NCAM2: variants seen among roughly 807,000 people sequenced by gnomAD.
NCAM2 encodes neural cell adhesion molecule 2, also known as N-CAM-2.
In NCAM2, 30 loss-of-function variants were observed where a neutral mutation model predicts 98.1. The observed-to-expected ratio is 0.31, with a 90% CI of 0.23 to 0.41. The LOEUF (loss-of-function observed/expected upper bound fraction) is 0.41. NCAM2 is among the 10% of genes least tolerant of loss of function. NCAM2 has a pLI of 1.00. For missense variants in NCAM2, 867 were observed against 1,005.8 expected (o/e 0.86, Z 1.87); for synonymous variants, 368 against 342.4 (o/e 1.07, Z -0.83).
intron 11 of NCAM2, among the ~76,000 whole-genome samples, chr21:21,426,056 G>T (rs1312458956): frequency 6.6e-6 from 1 of 151,866 alleles, no homozygotes; most frequent in Non-Finnish European, 1.5e-5. Flanking sequence ...ATGGTGAAAG[G>T]GGCAAACATA....
chr21:21,239,192 G>A (rs1281695213), intron 1 of NCAM2: 1 of 152,066 alleles, frequency 6.6e-6, no homozygotes. Flanking sequence ...ATGCTAAAAG[G>A]GTTGGCCAGA....
chr21:21,262,658 CAAAAAAAAA>C (rs33912324), intron 1 of NCAM2, among the ~76,000 whole-genome samples: 1 of 78,960 alleles, frequency 1.3e-5, no homozygotes. Context: ...AACAATCAGT[CAAAAAAAAA>C]AAAAAAAAAA....
intron 16 of NCAM2, among the ~76,000 whole-genome samples, chr21:21,524,652 A>T (rs1989224888): frequency 6.6e-6 from 1 of 152,130 alleles, no homozygotes; most frequent in African/African-American, 2.4e-5. Context: ...TTAACCAATC[A>T]AGTTCAATCA....
intron 15 of NCAM2, among the ~76,000 whole-genome samples, chr21:21,480,596 C>T (rs1985788719): frequency 6.6e-6 from 1 of 151,990 alleles, no homozygotes; most frequent in Non-Finnish European, 1.5e-5. Context: ...GAATGCAAAC[C>T]AGATAATTCA....
chr21:21,459,550 A>G (rs977535527), intron 12 of NCAM2, among the ~76,000 whole-genome samples: 1 of 148,432 alleles, frequency 6.7e-6, no homozygotes, highest in South Asian at 2.1e-4. Flanking sequence ...ATATATTAGA[A>G]TATAGGATAT....
At chr21:21,348,499 A>G (rs1055366935) in intron 8 of NCAM2, among the ~76,000 whole-genome samples, 1 of 152,148 alleles carries the variant, frequency 6.6e-6, no homozygotes, top group Non-Finnish European at 1.5e-5. Flanking sequence ...GGAAGAATCA[A>G]TATTTTTAAA....
Position 21,501,370 on chromosome 21 carries a change from C to A in NCAM2, c.2078-7481C>A, listed in dbSNP as rs549137059. Among the ~76,000 whole-genome samples the A allele has an allele frequency of 4.8e-4, 73 of 151,768 alleles. 1 individual carries two copies. The South Asian group carries it at 0.015, about 31-fold the overall frequency. On this transcript the variant is annotated intron_variant, in intron 15 of 17. Transcript: ENST00000400546. ...CATAATGTTAACTATTACCAGTATG[C>A]CCTTGTTAATGTAAATATCATATCC...
intron 10 of NCAM2, among the ~76,000 whole-genome samples, chr21:21,413,841 A>G (rs1439147860): frequency 6.6e-6 from 1 of 152,182 alleles, no homozygotes; most frequent in Non-Finnish European, 1.5e-5. Context: ...AAATAAGGCA[A>G]CAGTGAAGCA....
intron 12 of NCAM2, among the ~76,000 whole-genome samples, chr21:21,438,912 G>A (rs1247159856): frequency 1.3e-5 from 2 of 151,842 alleles, no homozygotes; most frequent in Non-Finnish European, 2.9e-5. Flanking sequence ...GCAAGACCCC[G>A]TCTCTCTAAA....
At chr21:21,100,248 A>G (rs1362616323) in intron 1 of NCAM2, among the ~76,000 whole-genome samples, 1 of 151,976 alleles carries the variant, frequency 6.6e-6, no homozygotes, top group Non-Finnish European at 1.5e-5. Context: ...AGCCCCAAAG[A>G]AATCTATGCA....
At chr21:21,511,280 C>G (rs895935716) in intron 16 of NCAM2, among the ~76,000 whole-genome samples, 2 of 152,024 alleles carry the variant, frequency 1.3e-5, no homozygotes, top group Non-Finnish European at 2.9e-5. Flanking sequence ...ATTCCCCCTT[C>G]CTTGTTACCT....
intron 9 of NCAM2, among the ~76,000 whole-genome samples, chr21:21,392,979 G>C (rs2076413539): frequency 6.6e-6 from 1 of 151,716 alleles, no homozygotes; most frequent in African/African-American, 2.4e-5. Context: ...TTTTCCTTTT[G>C]TTGCAATTGC....
intron 1 of NCAM2, among the ~76,000 whole-genome samples, chr21:21,149,422 A>T: frequency 6.6e-6 from 1 of 152,066 alleles, no homozygotes. Flanking sequence ...ATTTTACCTT[A>T]AGTTCTGGGA....
chr21:21,264,746 ATATATACATATATATATATTCCAC>A lies in NCAM2; in HGVS notation c.56-15825_56-15802del, dbSNP rs1481312004. On this transcript the variant is annotated intron_variant, in intron 1 of 17. Coordinates refer to ENST00000400546, the MANE Select transcript of NCAM2 (RefSeq NM_004540.5). ...TAAGATCTTTGGCATAAGTGTGTAT[ATATATACATATATATATATTCCAC>A]TATATATATACATATATATATATTC... Among the ~76,000 whole-genome samples, 4 of 8,510 alleles carry A rather than the reference ATATATACATATATATATATTCCAC, an allele frequency of 4.7e-4. No homozygotes were observed. The East Asian group carries it at 0.4, about 851-fold the overall frequency. The allele number at this position is 8,510 out of a possible 152,430, so 5.6% of individuals were successfully genotyped here. A position where few individuals can be genotyped will look rare whatever the true frequency, so the allele number is the denominator to read the frequency against.
intron 1 of NCAM2, among the ~76,000 whole-genome samples, chr21:21,144,099 C>T (rs1425011129): frequency 1.3e-5 from 2 of 152,030 alleles, no homozygotes; most frequent in Non-Finnish European, 2.9e-5. Context: ...CCTGTAATCC[C>T]AGCACTTTGG....
chr21:21,043,795 A>C (rs7279942), intron 1 of NCAM2, among the ~76,000 whole-genome samples: 3,270 of 147,222 alleles, frequency 0.022, 109 homozygotes, highest in African/African-American at 0.076. Context: ...CGGAGCTTAC[A>C]GTGAGCCGAG....
intron 1 of NCAM2, among the ~76,000 whole-genome samples, chr21:21,167,082 C>A (rs1225210772): frequency 3.3e-5 from 5 of 151,950 alleles, no homozygotes; most frequent in Admixed American, 2.6e-4. Context: ...ATGTGATTAA[C>A]CTTTATGTAA....
At chr21:21,245,288 T>A (rs1366783099) in intron 1 of NCAM2, among the ~76,000 whole-genome samples, 1 of 152,234 alleles carries the variant, frequency 6.6e-6, no homozygotes, top group Non-Finnish European at 1.5e-5. Context: ...AGATAATTAA[T>A]GGCTAACTCC....
intron 1 of NCAM2, among the ~76,000 whole-genome samples, chr21:21,167,848 A>G (rs1044314767): frequency 6.6e-5 from 10 of 152,154 alleles, no homozygotes; most frequent in African/African-American, 1.9e-4. Context: ...CCAATCCCAT[A>G]TAAGTTCATG....
Sources: gnomAD v4.1 joint callset for allele counts (sites outside exome capture counted in the v4.1 genomes callset) on GRCh38, gnomAD v4.1.1 for gene constraint, MANE v1.5 for transcripts, NCBI Gene and HGNC (gene_info 2026-07-23, HGNC 2026-07-21) for gene names.